SGCD: variants seen among roughly 807,000 people sequenced by gnomAD.
SGCD encodes delta-sarcoglycan.
SGCD carries 18 observed loss-of-function variants against 36.6 expected under a neutral mutation model. That is an observed-to-expected ratio of 0.49 (90% CI 0.34 to 0.73). The LOEUF is 0.73. Among genes scored for constraint, SGCD ranks in the 30% least tolerant of loss-of-function variants. The pLI is 0.01. For missense variants in SGCD, 387 were observed against 346.7 expected (o/e 1.12, Z -0.92); for synonymous variants, 133 against 130.6 (o/e 1.02, Z -0.12).
At chr5:155,965,165 C>T (rs1158063879) in intron 1 of SGCD, among the ~76,000 whole-genome samples, 1 of 152,098 alleles carries the variant, frequency 6.6e-6, no homozygotes, top group East Asian at 1.9e-4. Flanking sequence ...GTGTGGTAGT[C>T]CTAAACATTC....
chr5:155,912,503 T>G (rs1756650533), intron 1 of SGCD, among the ~76,000 whole-genome samples: 1 of 152,138 alleles, frequency 6.6e-6, no homozygotes, highest in Admixed American at 6.6e-5. Context: ...CTTCAAACAG[T>G]GCCAGGCTGA....
chr5:156,689,647 T>C (rs149031372), intron 7 of SGCD, among the ~76,000 whole-genome samples: 93 of 152,276 alleles, frequency 6.1e-4, no homozygotes, highest in African/African-American at 2.1e-3. Flanking sequence ...GACCCCACCA[T>C]CCAAATTGAG....
intron 1 of SGCD, among the ~76,000 whole-genome samples, chr5:156,078,549 ATATATTTATATT>A (rs1760858195): frequency 7.3e-6 from 1 of 136,372 alleles, no homozygotes; most frequent in Admixed American, 7.7e-5. Context: ...TTATTTATAT[ATATATTTATATT>A]TATATATATA....
chr5:155,871,738 T>A (rs1207846002), intron 1 of SGCD, among the ~76,000 whole-genome samples: 1 of 152,112 alleles, frequency 6.6e-6, no homozygotes, highest in East Asian at 1.9e-4. Context: ...GATGGAAAAT[T>A]CCCATCTGGA....
chr5:156,367,398 A>G (rs1770159969), intron 3 of SGCD, among the ~76,000 whole-genome samples: 1 of 152,234 alleles, frequency 6.6e-6, no homozygotes, highest in African/African-American at 2.4e-5. Flanking sequence ...AACAACCTTA[A>G]GAGGTATATG....
chr5:156,746,353 G>C (rs1756936769), intron 7 of SGCD, among the ~76,000 whole-genome samples: 1 of 152,206 alleles, frequency 6.6e-6, no homozygotes, highest in Non-Finnish European at 1.5e-5. Context: ...GCTTACCCCA[G>C]AAGGCATCTA....
chr5:156,219,687 G>T (rs1764670726), intron 3 of SGCD, among the ~76,000 whole-genome samples: 1 of 152,190 alleles, frequency 6.6e-6, no homozygotes, highest in African/African-American at 2.4e-5. Context: ...GCTTAGTGCT[G>T]TCTCTTAGTG....
intron 1 of SGCD, among the ~76,000 whole-genome samples, chr5:155,878,800 A>G (rs1165041094): frequency 2.0e-5 from 3 of 152,186 alleles, no homozygotes; most frequent in Non-Finnish European, 4.4e-5. Flanking sequence ...TAAACTATTC[A>G]TGTGAGTATA....
chr5:156,714,182 A>G (rs900978091), intron 7 of SGCD, among the ~76,000 whole-genome samples: 4 of 152,176 alleles, frequency 2.6e-5, no homozygotes, highest in African/African-American at 9.7e-5. Flanking sequence ...AAGAAATTGG[A>G]GTCATCCAAC....
chr5:156,105,444 T>A (rs183999695), intron 1 of SGCD, among the ~76,000 whole-genome samples: 84 of 152,332 alleles, frequency 5.5e-4, no homozygotes, highest in Admixed American at 1.6e-3. Flanking sequence ...ATAATTAATG[T>A]TATTGCCTTT....
intron 2 of SGCD, among the ~76,000 whole-genome samples, chr5:156,342,020 A>T (rs1211371832): frequency 6.6e-6 from 1 of 152,164 alleles, no homozygotes; most frequent in East Asian, 1.9e-4. Flanking sequence ...CTGAGTACAA[A>T]TGTTTTTAAC....
At chr5:156,089,086 G>A (rs1400891902) in intron 1 of SGCD, among the ~76,000 whole-genome samples, 2 of 152,214 alleles carry the variant, frequency 1.3e-5, no homozygotes, top group African/African-American at 4.8e-5. Context: ...CCTGGAAAGA[G>A]CAAATTGCCA....
At chr5:156,272,763 T>A (rs1766212931) in intron 3 of SGCD, among the ~76,000 whole-genome samples, 1 of 152,348 alleles carries the variant, frequency 6.6e-6, no homozygotes, top group Admixed American at 6.5e-5. Flanking sequence ...ACACCAGTTA[T>A]CTTTTAGAGC....
intron 1 of SGCD, among the ~76,000 whole-genome samples, chr5:155,969,245 A>G (rs750130994): frequency 5.3e-5 from 8 of 152,240 alleles, no homozygotes; most frequent in South Asian, 4.1e-4. Flanking sequence ...TTGACATGGC[A>G]TAGGTAGACA....
chr5:156,018,400 T>C (rs929311928), intron 1 of SGCD, among the ~76,000 whole-genome samples: 1 of 152,178 alleles, frequency 6.6e-6, no homozygotes. Context: ...AAGTACAGCA[T>C]GTGTTTAGAA....
rs56288003 is a variant in SGCD, at chr5:156,558,124, T to TATATATATATATATATA, written c.295-31107_295-31106insATATATATATATATATA. On this transcript the variant is annotated intron_variant, in intron 4 of 8. Transcript: ENST00000337851. ...ATATATATATATATATATATATATA[T>TATATATATATATATATA]TATTTAACTCTCTTTTAAAGGCAGT... is the stretch of plus-strand genomic sequence containing the variant. 5.4e-4 allele frequency among the ~76,000 whole-genome samples: 67 copies of TATATATATATATATATA among 123,552 alleles called. 1 individual carries two copies. The highest frequency in any genetic ancestry group is 7.7e-4 in the Non-Finnish European group (45 of 58,628). 81.1% of individuals were successfully genotyped at this position (123,552 alleles called of 152,430 possible).
intron 1 of SGCD, among the ~76,000 whole-genome samples, chr5:156,075,326 A>G (rs1258454748): frequency 1.3e-5 from 2 of 152,218 alleles, no homozygotes; most frequent in Non-Finnish European, 2.9e-5. Context: ...ATTTAAAATA[A>G]TAGTGAAAAA....
chr5:155,836,992 G>A, the SGCD span, among the ~76,000 whole-genome samples: 7 of 152,160 alleles, frequency 4.6e-5, no homozygotes, highest in African/African-American at 7.2e-5. Flanking sequence ...AAATGCACAT[G>A]TGCAAACTTA....
intron 3 of SGCD, among the ~76,000 whole-genome samples, chr5:156,196,989 T>C (rs1186458075): frequency 6.6e-6 from 1 of 152,200 alleles, no homozygotes; most frequent in Non-Finnish European, 1.5e-5. Flanking sequence ...ATTAATATTA[T>C]GAACATCTTT....
Sources: allele counts gnomAD v4.1 joint callset (sites outside exome capture counted in the v4.1 genomes callset), GRCh38; gene constraint gnomAD v4.1.1; transcripts MANE v1.5; gene names NCBI Gene and HGNC (gene_info 2026-07-23, HGNC 2026-07-21).